Variants in GRIK4 observed in about 807,000 individuals in gnomAD.
GRIK4 encodes glutamate ionotropic receptor kainate type subunit 4, also known as glutamate receptor ionotropic, kainate 4.
GRIK4 carries 40 observed loss-of-function variants against 104.9 expected under a neutral mutation model. That is an observed-to-expected ratio of 0.38 (90% CI 0.30 to 0.50). GRIK4 has a LOEUF of 0.50. Ranked by LOEUF, GRIK4 falls within the 20% of genes least tolerant of loss-of-function variation. The probability of loss-of-function intolerance (pLI) is 0.93; values close to 1 mark genes in which losing one functional copy is unlikely to be tolerated. For synonymous variants in GRIK4, 485 were observed against 524.9 expected, an observed-to-expected ratio of 0.92 and a Z score of 1.04; for missense variants, 1,047 against 1,308.1, an observed-to-expected ratio of 0.80 and a Z score of 3.08.
In GRIK4 at chr11:120,967,362, G is replaced by A; in HGVS notation, c.2395+39G>A. ...GGGCCATCCTCCTCCTGCCCTAGAGGACCAAAGTAGCTTGTTTCTCGTGTT... is the reference window on the plus strand; with the variant it reads ...GGGCCATCCTCCTCCTGCCCTAGAGAACCAAAGTAGCTTGTTTCTCGTGTT... On this transcript the variant is annotated intron_variant, in intron 19 of 20. Coordinates refer to ENST00000527524, the MANE Select transcript of GRIK4 (RefSeq NM_014619.5). This position sits in a 1 kb window ranked among gnomAD's most constrained non-coding sequence, Gnocchi z 4.2. The A allele has an allele frequency of 1.3e-6, 2 of 1,573,822 alleles. No individual in the cohort carries two copies. The highest frequency in any genetic ancestry group is 8.6e-7 in the Non-Finnish European group (1 of 1,159,724).
chr11:120,718,011 G>A (rs539387892), intron 3 of GRIK4, among the ~76,000 whole-genome samples: 90 of 152,314 alleles, frequency 5.9e-4, no homozygotes, highest in African/African-American at 1.3e-3. Context: ...AAAGAATTAA[G>A]TCAGTGCCAT....
chr11:120,738,669 G>GA (rs1951270611), intron 3 of GRIK4, among the ~76,000 whole-genome samples: 1 of 152,224 alleles, frequency 6.6e-6, no homozygotes, highest in African/African-American at 2.4e-5. Flanking sequence ...TGAAGGGCAG[G>GA]AGGCACCATG....
At chr11:120,619,158 C>T (rs746146354) in intron 1 of GRIK4, among the ~76,000 whole-genome samples, 4 of 152,090 alleles carry the variant, frequency 2.6e-5, no homozygotes, top group Non-Finnish European at 5.9e-5. Flanking sequence ...ACTAGTATGC[C>T]CTGGATGTGA....
At chr11:120,830,976 A>G (rs1427313879) in intron 6 of GRIK4, among the ~76,000 whole-genome samples, 5 of 150,618 alleles carry the variant, frequency 3.3e-5, no homozygotes, top group African/African-American at 1.2e-4. Context: ...CAGTGACATC[A>G]TTCTGGAACC....
chr11:120,556,539 G>A (rs766466911), intron 1 of GRIK4, among the ~76,000 whole-genome samples: 1 of 152,096 alleles, frequency 6.6e-6, no homozygotes, highest in Non-Finnish European at 1.5e-5. Context: ...CACTCCAGAG[G>A]GGTGCGTTTA....
At chr11:120,878,839 T>A (rs1329038149) in intron 11 of GRIK4, among the ~76,000 whole-genome samples, 2 of 152,178 alleles carry the variant, frequency 1.3e-5, no homozygotes, top group Non-Finnish European at 2.9e-5. Flanking sequence ...TAGGGAGTGA[T>A]AATTAATTGG....
chr11:120,778,214 C>T (rs945490447), intron 3 of GRIK4, among the ~76,000 whole-genome samples: 3 of 152,290 alleles, frequency 2.0e-5, no homozygotes, highest in African/African-American at 2.4e-5. Flanking sequence ...TTTCACGTCC[C>T]CACTGCTTAG....
intron 13 of GRIK4, among the ~76,000 whole-genome samples, chr11:120,927,016 G>C (rs1466699757): frequency 6.6e-6 from 1 of 152,232 alleles, no homozygotes; most frequent in African/African-American, 2.4e-5. Flanking sequence ...CTGGGCCATG[G>C]CCAGGGCAGA....
rs1947839269 is a variant in GRIK4, at chr11:120,524,861, G to A, written c.-159+12974G>A. Among the ~76,000 whole-genome samples the A allele has an allele frequency of 6.6e-6, 1 of 152,176 alleles. No individual in the cohort carries two copies. The highest frequency in any genetic ancestry group is 2.4e-5 in the African/African-American group (1 of 41,450). On this transcript the variant is annotated intron_variant, in intron 1 of 20. Transcript: ENST00000527524. This position sits in a 1 kb window ranked among gnomAD's most constrained non-coding sequence, Gnocchi z 4.5. ...GGATTGGGTACTGTGGTGGCAGAGA[G>A]CCCCAGGAAGAGGTCGCCTTTGTGT...
intron 6 of GRIK4, among the ~76,000 whole-genome samples, chr11:120,828,168 G>C (rs1460579928): frequency 6.6e-6 from 1 of 152,198 alleles, no homozygotes; most frequent in East Asian, 1.9e-4. Flanking sequence ...CAAGCACCAT[G>C]CACCCTGCCT....
intron 1 of GRIK4, among the ~76,000 whole-genome samples, chr11:120,595,475 T>G (rs1289406519): frequency 6.6e-6 from 1 of 152,238 alleles, no homozygotes; most frequent in African/African-American, 2.4e-5. Context: ...CCTTACAAGG[T>G]GCATGGCAGA....
intron 19 of GRIK4, among the ~76,000 whole-genome samples, chr11:120,969,900 C>T (rs1009179364): frequency 2.0e-5 from 3 of 152,146 alleles, no homozygotes; most frequent in African/African-American, 7.2e-5. Flanking sequence ...CCCCTCACCA[C>T]AGTGGGTTGA....
chr11:120,640,581 A>G (rs763961404), intron 1 of GRIK4, among the ~76,000 whole-genome samples: 5 of 152,180 alleles, frequency 3.3e-5, no homozygotes, highest in Admixed American at 1.3e-4. Flanking sequence ...TTTTCAAGGT[A>G]TAATATGGGG....
At chr11:120,968,758 C>T (rs935467136) in intron 19 of GRIK4, among the ~76,000 whole-genome samples, 5 of 152,198 alleles carry the variant, frequency 3.3e-5, no homozygotes, top group Admixed American at 6.5e-5. Flanking sequence ...ATTTCAGTCT[C>T]GTCTCTACCA....
At chr11:120,868,530 TG>T (rs11342073) in intron 9 of GRIK4, 60,593 of 105,622 alleles carry the variant, frequency 0.57, 13,489 homozygotes, top group Middle Eastern at 0.63. Flanking sequence ...GGGGTGGAAA[TG>T]GGGGGGGGGG....
At chr11:120,961,709 C>A (rs1212559179) in intron 17 of GRIK4, among the ~76,000 whole-genome samples, 1 of 152,216 alleles carries the variant, frequency 6.6e-6, no homozygotes, top group Non-Finnish European at 1.5e-5. Flanking sequence ...ACAGCCAGAC[C>A]AGATGGAATA....
intron 1 of GRIK4, among the ~76,000 whole-genome samples, chr11:120,570,307 C>A (rs1226579326): frequency 6.6e-6 from 1 of 152,222 alleles, no homozygotes; most frequent in Non-Finnish European, 1.5e-5. Context: ...CTCTGTCCCA[C>A]CCTTCCTGTC....
At chr11:120,574,825 C>T (rs1948457326) in intron 1 of GRIK4, among the ~76,000 whole-genome samples, 2 of 152,110 alleles carry the variant, frequency 1.3e-5, no homozygotes, top group Non-Finnish European at 2.9e-5. Flanking sequence ...GTCCACTGAG[C>T]CAAGAGGTGT....
intron 3 of GRIK4, among the ~76,000 whole-genome samples, chr11:120,787,994 T>C (rs1952323299): frequency 6.6e-6 from 1 of 150,436 alleles, no homozygotes; most frequent in African/African-American, 2.5e-5. Context: ...GCCTCCCTAG[T>C]AGCTGAGACT....
Sources: allele counts gnomAD v4.1 joint callset (sites outside exome capture counted in the v4.1 genomes callset), GRCh38; gene constraint gnomAD v4.1.1; non-coding constraint Gnocchi (gnomAD v3.1); transcripts MANE v1.5; gene names NCBI Gene and HGNC (gene_info 2026-07-23, HGNC 2026-07-21).